Variants in LEMD1 observed in about 807,000 individuals in gnomAD.
LEMD1 encodes LEM domain-containing protein 1.
A neutral mutation model predicts 17.4 loss-of-function variants in LEMD1; 18 were observed. The observed-to-expected ratio is 1.04, with a 90% CI of 0.72 to 1.54. The LOEUF is 1.54. LEMD1 is among the 40% of genes most tolerant of loss of function. The pLI, the probability that LEMD1 is intolerant of heterozygous loss-of-function variation, is 0.00. For synonymous variants in LEMD1, 88 were observed against 77.8 expected, an observed-to-expected ratio of 1.13 and a Z score of -0.69; for missense variants, 195 against 210.4, an observed-to-expected ratio of 0.93 and a Z score of 0.45.
intron 3 of LEMD1, among the ~76,000 whole-genome samples, chr1:205,417,227 C>A (rs1257422027): frequency 6.6e-6 from 1 of 152,216 alleles, no homozygotes; most frequent in Non-Finnish European, 1.5e-5. Context: ...AACGCTTCCA[C>A]CTCGACCTGA....
chr1:205,404,878 C>G (rs1665016953), intron 4 of LEMD1, among the ~76,000 whole-genome samples: 1 of 151,934 alleles, frequency 6.6e-6, no homozygotes, highest in Non-Finnish European at 1.5e-5. Context: ...CCTTCAGGAG[C>G]TCTTTTAGGG....
chr1:205,448,278 GGGAGGTGCAGCTGCGCA>G lies in LEMD1; in HGVS notation c.-39+1573_-39+1589del, dbSNP rs1558746312. 1 of 518,306 alleles carries G rather than the reference GGGAGGTGCAGCTGCGCA, an allele frequency of 1.9e-6. No homozygotes were observed. The highest frequency in any genetic ancestry group is 1.4e-5 in the South Asian group (1 of 71,056). The allele number at this position is 518,306 out of a possible 1,614,324, so 32.1% of individuals were successfully genotyped here. Reference sequence around the variant, plus strand: ...TGGCTGGCTCCGAACCTGGTCCCATGGGAGGTGCAGCTGCGCAGGAGAAGGAGCTCGCCCCTCACTGT... The same window carrying G: ...TGGCTGGCTCCGAACCTGGTCCCATGGGAGAAGGAGCTCGCCCCTCACTGT... On this transcript the variant is annotated intron_variant, in intron 1 of 3. Coordinates refer to the LEMD1 transcript ENST00000367154. The surrounding 1 kb of genome is among the most constrained non-coding windows in gnomAD (Gnocchi z 4.7).
chr1:205,406,611 C>A (rs573847073), intron 4 of LEMD1, among the ~76,000 whole-genome samples: 1 of 152,306 alleles, frequency 6.6e-6, no homozygotes, highest in African/African-American at 2.4e-5. Context: ...CCATCTGTCA[C>A]CCCTTTCCTT....
At chr1:205,433,404 C>T (rs181604723) in intron 1 of LEMD1, among the ~76,000 whole-genome samples, 41 of 152,216 alleles carry the variant, frequency 2.7e-4, no homozygotes, top group African/African-American at 9.2e-4. Flanking sequence ...TTGTAGTGAG[C>T]CGAGGTTGCG....
At chr1:205,429,909 G>C (rs951809228) in intron 1 of LEMD1, among the ~76,000 whole-genome samples, 8 of 152,172 alleles carry the variant, frequency 5.3e-5, no homozygotes, top group Non-Finnish European at 1.0e-4. Context: ...CCGGCAGCCA[G>C]GCCGCGGACT....
intron 4 of LEMD1, among the ~76,000 whole-genome samples, chr1:205,414,692 G>A (rs1265236745): frequency 6.6e-6 from 1 of 152,060 alleles, no homozygotes; most frequent in Admixed American, 6.5e-5. Context: ...CTAAAGTGCT[G>A]GGATTACAGG....
At chr1:205,397,907 A>G (rs931233947) in intron 4 of LEMD1, among the ~76,000 whole-genome samples, 4 of 152,212 alleles carry the variant, frequency 2.6e-5, no homozygotes, top group Non-Finnish European at 5.9e-5. Context: ...TTATGAAAAT[A>G]AGTAAGTTTA....
At chr1:205,433,677 C>G (rs1666162084) in intron 1 of LEMD1, among the ~76,000 whole-genome samples, 1 of 152,200 alleles carries the variant, frequency 6.6e-6, no homozygotes, top group African/African-American at 2.4e-5. Context: ...GGGCAGGCAT[C>G]TTGGCGGACT....
intron 1 of LEMD1, chr1:205,434,747 C>T (rs1225080929): frequency 6.6e-6 from 1 of 152,202 alleles, no homozygotes; most frequent in Non-Finnish European, 1.5e-5. Context: ...GACTCTTCCC[C>T]CCAGTCTCCA....
intron 3 of LEMD1, among the ~76,000 whole-genome samples, chr1:205,417,761 C>T (rs896889910): frequency 4.6e-5 from 7 of 151,506 alleles, no homozygotes; most frequent in African/African-American, 1.7e-4. Flanking sequence ...GGGCCCCAGG[C>T]ACTTGCATGG....
At position 205,448,486 on chromosome 1, in the gene LEMD1, C is replaced by T; in HGVS notation, c.-39+1382G>A. On this transcript the variant is annotated intron_variant, in intron 1 of 3. Coordinates refer to the LEMD1 transcript ENST00000367154. The surrounding 1 kb of genome is among the most constrained non-coding windows in gnomAD (Gnocchi z 4.7). ...ACTCCCCTTCTCAGCACCCCCGACC[C>T]CAGACCCACCCACACTGCCTCCCTC... 2.1e-6 allele frequency: 1 copy of T among 477,246 alleles called. No individual in the cohort carries two copies. Among genetic ancestry groups the T allele is most frequent in the Non-Finnish European group, 4.2e-6 (1 of 236,624 alleles). 29.6% of individuals were successfully genotyped at this position (477,246 alleles called of 1,614,324 possible).
chr1:205,405,073 C>A (rs1054473390), intron 4 of LEMD1, among the ~76,000 whole-genome samples: 15 of 152,218 alleles, frequency 9.9e-5, no homozygotes, highest in African/African-American at 2.7e-4. Flanking sequence ...GAGAGATCCG[C>A]TGTTAGTCTG....
upstream of LEMD1, among the ~76,000 whole-genome samples, chr1:205,425,222 C>T (rs978900805): frequency 6.6e-6 from 1 of 152,226 alleles, no homozygotes; most frequent in African/African-American, 2.4e-5. Context: ...TTGAAGCCAG[C>T]AGCAATGCAG....
At position 205,447,271 on chromosome 1, in the gene LEMD1, C is replaced by T. The variant is rs114107426; in HGVS notation, c.-39+2597G>A. ...ATAAGTTAAATAGGCTAACAGTAGA[C>T]AGGACTGTCTTGAGGATGAAATGGG... On this transcript the variant is annotated intron_variant, in intron 1 of 3. Transcript: ENST00000367154. Among the ~76,000 whole-genome samples the T allele has an allele frequency of 4.9e-3, 749 of 152,306 alleles. 6 individuals are homozygous for T. Among genetic ancestry groups the T allele is most frequent in the African/African-American group, 0.017 (715 of 41,558 alleles).
At chr1:205,419,490 G>A (rs1665858610) in intron 2 of LEMD1, 138 bp from the exon 3 acceptor site, 1 of 950,926 alleles carries the variant, frequency 1.1e-6, no homozygotes, top group Admixed American at 2.3e-5. Flanking sequence ...ATTTGAGACA[G>A]GGTCTCACTG....
rs767507687 is a variant in LEMD1 at position 205,448,438 on chromosome 1, G to A, written c.-39+1430C>T. ...CAGGAATCTCATAGGGAAGCGAGAA[G>A]CTGGGGCACCCGAGAAGCCCTCACT... On this transcript the variant is annotated intron_variant, in intron 1 of 3. Coordinates refer to the LEMD1 transcript ENST00000367154. The surrounding 1 kb of genome is among the most constrained non-coding windows in gnomAD (Gnocchi z 4.7). 1.9e-6 allele frequency: 1 copy of A among 531,738 alleles called. No homozygotes were observed. Among genetic ancestry groups the A allele is most frequent in the South Asian group, 1.4e-5 (1 of 71,368 alleles). The allele number at this position is 531,738 out of a possible 1,614,324, so 32.9% of individuals were successfully genotyped here.
At chr1:205,411,837 T>C (rs1352691695) in intron 4 of LEMD1, among the ~76,000 whole-genome samples, 1 of 152,174 alleles carries the variant, frequency 6.6e-6, no homozygotes, top group African/African-American at 2.4e-5. Flanking sequence ...ACTGAGATTC[T>C]GGCAGGGACG....
chr1:205,395,322 T>C lies in LEMD1; in HGVS notation c.271-10958A>G, dbSNP rs1226662052. Among the ~76,000 whole-genome samples, 4 of 152,082 alleles carry C rather than the reference T, an allele frequency of 2.6e-5. No homozygotes were observed. In the East Asian group the frequency reaches 5.8e-4, roughly 22 times the overall value. On this transcript the variant is annotated intron_variant, in intron 4 of 5. Coordinates refer to ENST00000367153, the MANE Select transcript of LEMD1 (RefSeq NM_001199050.2). Reference sequence around the variant, plus strand: ...AAATTATTTCAAAATAGGCTGGCCATGGTGGCTCATGCCTGTAATCCCAGC... The same window carrying C: ...AAATTATTTCAAAATAGGCTGGCCACGGTGGCTCATGCCTGTAATCCCAGC...
At chr1:205,386,942 A>G (rs1664060593) in intron 4 of LEMD1, 1 of 152,356 alleles carries the variant, frequency 6.6e-6, no homozygotes, top group Non-Finnish European at 1.5e-5. Flanking sequence ...ATATACAAAA[A>G]TAGACAACAG....
Sources: gnomAD v4.1 joint callset for allele counts (sites outside exome capture counted in the v4.1 genomes callset) on GRCh38, gnomAD v4.1.1 for gene constraint, Gnocchi (gnomAD v3.1) non-coding constraint, MANE v1.5 for transcripts, NCBI Gene and HGNC (gene_info 2026-07-23, HGNC 2026-07-21) for gene names.